GULP1: variants seen among roughly 807,000 people sequenced by gnomAD.
GULP1 encodes the protein GULP PTB domain containing engulfment adaptor 1, also known as PTB domain-containing engulfment adapter protein 1.
In GULP1, 19 loss-of-function variants were observed where a neutral mutation model predicts 40.9. The ratio of observed to expected loss-of-function variants is 0.46; its 90% CI spans 0.32 to 0.68. The LOEUF (loss-of-function observed/expected upper bound fraction) is 0.68, where lower values mean the gene tolerates loss of function less well. Among genes scored for constraint, GULP1 ranks in the 30% least tolerant of loss-of-function variants. The pLI, the probability that GULP1 is intolerant of heterozygous loss-of-function variation, is 0.03. For missense variants in GULP1, 312 were observed against 362.2 expected (o/e 0.86, Z 1.12); for synonymous variants, 119 against 117.6 (o/e 1.01, Z -0.08).
intron 2 of GULP1, among the ~76,000 whole-genome samples, chr2:188,446,857 G>GAGCACTT (rs1239999308): frequency 8.1e-6 from 1 of 123,972 alleles, no homozygotes; most frequent in Non-Finnish European, 1.7e-5. Flanking sequence ...CTTTCATTGA[G>GAGCACTT]TGATATTTTG....
chr2:188,371,386 A>G (rs920830930), intron 1 of GULP1, among the ~76,000 whole-genome samples: 5 of 152,148 alleles, frequency 3.3e-5, no homozygotes, highest in African/African-American at 1.2e-4. Flanking sequence ...GTGAAATCAA[A>G]TGATAAATAG....
chr2:188,490,461 GTCT>G (rs1438421427), intron 4 of GULP1, among the ~76,000 whole-genome samples: 5 of 152,072 alleles, frequency 3.3e-5, no homozygotes, highest in African/African-American at 1.2e-4. Context: ...CCCTGCCCCT[GTCT>G]GTTAAATGAT....
At chr2:188,305,984 G>T (rs1454120957) in intron 1 of GULP1, among the ~76,000 whole-genome samples, 2 of 151,960 alleles carry the variant, frequency 1.3e-5, no homozygotes, top group African/African-American at 2.4e-5. Context: ...CACCATGTTG[G>T]CCAGGCTGGT....
intron 1 of GULP1, among the ~76,000 whole-genome samples, chr2:188,380,121 G>A (rs2152491236): frequency 6.6e-6 from 1 of 152,270 alleles, no homozygotes; most frequent in East Asian, 1.9e-4. Flanking sequence ...TTTCCTTAGA[G>A]TGTAGGGGTA....
intron 2 of GULP1, among the ~76,000 whole-genome samples, chr2:188,422,399 CATATACAT>C (rs2055566055): frequency 6.6e-6 from 1 of 150,828 alleles, no homozygotes; most frequent in South Asian, 2.1e-4. Flanking sequence ...TACACACACA[CATATACAT>C]ATATATATAT....
intron 1 of GULP1, among the ~76,000 whole-genome samples, chr2:188,383,097 C>T (rs1016183679): frequency 6.6e-6 from 1 of 152,094 alleles, no homozygotes; most frequent in African/African-American, 2.4e-5. Context: ...GCAAAAGATA[C>T]TATGCTGTGA....
intron 6 of GULP1, among the ~76,000 whole-genome samples, chr2:188,535,742 A>G (rs996918422): frequency 6.6e-6 from 1 of 152,110 alleles, no homozygotes; most frequent in African/African-American, 2.4e-5. Context: ...GAAAACAGCA[A>G]CTGTTTTAAG....
intron 9 of GULP1, among the ~76,000 whole-genome samples, chr2:188,582,881 G>C (rs1456165672): frequency 1.3e-5 from 2 of 152,158 alleles, no homozygotes; most frequent in Non-Finnish European, 2.9e-5. Context: ...AATCTAGATT[G>C]ATAAGAGTTA....
intron 2 of GULP1, among the ~76,000 whole-genome samples, chr2:188,458,323 C>T (rs1321179708): frequency 1.3e-5 from 2 of 152,142 alleles, no homozygotes; most frequent in Non-Finnish European, 2.9e-5. Context: ...AGCATAAATA[C>T]ATATTCAATA....
intron 7 of GULP1, among the ~76,000 whole-genome samples, chr2:188,562,408 C>T (rs912254176): frequency 6.6e-6 from 1 of 152,130 alleles, no homozygotes; most frequent in Non-Finnish European, 1.5e-5. Context: ...CTGTCTTCTT[C>T]CTTCCTTGCT....
intron 1 of GULP1, among the ~76,000 whole-genome samples, chr2:188,323,167 A>T (rs1263596084): frequency 1.3e-5 from 2 of 152,014 alleles, no homozygotes; most frequent in Non-Finnish European, 2.9e-5. Context: ...CTCTCACCTT[A>T]AGCTGCTTGG....
intron 1 of GULP1, among the ~76,000 whole-genome samples, chr2:188,307,235 T>C (rs1301740474): frequency 6.6e-6 from 1 of 152,140 alleles, no homozygotes; most frequent in East Asian, 1.9e-4. Context: ...TTTATGAAAA[T>C]AAATTTATAC....
intron 2 of GULP1, among the ~76,000 whole-genome samples, chr2:188,421,732 G>A (rs1383741895): frequency 6.6e-6 from 1 of 152,108 alleles, no homozygotes; most frequent in African/African-American, 2.4e-5. Flanking sequence ...TTCTTGCTGG[G>A]GAGTGGGCCA....
At chr2:188,388,043 A>G (rs1451000290) in intron 2 of GULP1, among the ~76,000 whole-genome samples, 4 of 35,078 alleles carry the variant, frequency 1.1e-4, no homozygotes, top group Non-Finnish European at 2.5e-4. Context: ...CCCCCACCCC[A>G]CAACAGTCCC....
intron 2 of GULP1, among the ~76,000 whole-genome samples, chr2:188,409,076 C>G (rs1421997008): frequency 6.6e-6 from 1 of 151,678 alleles, no homozygotes; most frequent in Non-Finnish European, 1.5e-5. Flanking sequence ...ACCTTGATGA[C>G]TTAGTAAAAG....
chr2:188,458,600 C>G (rs1167717937), intron 2 of GULP1, among the ~76,000 whole-genome samples: 1 of 152,052 alleles, frequency 6.6e-6, no homozygotes, highest in Admixed American at 6.6e-5. Flanking sequence ...TGTTTTAATA[C>G]AGACATGCAA....
At chr2:188,464,907 G>A (rs2059992819) in intron 2 of GULP1, among the ~76,000 whole-genome samples, 1 of 152,048 alleles carries the variant, frequency 6.6e-6, no homozygotes, top group Non-Finnish European at 1.5e-5. Flanking sequence ...TCATGGCAGT[G>A]GGCTTCCTCT....
intron 7 of GULP1, among the ~76,000 whole-genome samples, chr2:188,553,043 C>A (rs1037442666): frequency 6.6e-6 from 1 of 151,770 alleles, no homozygotes; most frequent in African/African-American, 2.4e-5. Flanking sequence ...AATTTTGAAT[C>A]CTCCATCTTA....
intron 2 of GULP1, among the ~76,000 whole-genome samples, chr2:188,415,820 T>G (rs2054505348): frequency 6.6e-6 from 1 of 152,134 alleles, no homozygotes; most frequent in East Asian, 1.9e-4. Flanking sequence ...TTTCATTATT[T>G]CAAAATACCC....
Sources: allele counts gnomAD v4.1 joint callset (sites outside exome capture counted in the v4.1 genomes callset), GRCh38; gene constraint gnomAD v4.1.1; transcripts MANE v1.5; gene names NCBI Gene and HGNC (gene_info 2026-07-23, HGNC 2026-07-21).